SLC30A9: variants seen among roughly 807,000 people sequenced by gnomAD.
SLC30A9 encodes proton-coupled zinc antiporter SLC30A9, mitochondrial.
A neutral mutation model predicts 87.5 loss-of-function variants in SLC30A9; 58 were observed. The ratio of observed to expected loss-of-function variants is 0.66; its 90% CI spans 0.54 to 0.82. The LOEUF (loss-of-function observed/expected upper bound fraction) is 0.82. Among genes scored for constraint, SLC30A9 ranks in the 40% least tolerant of loss-of-function variants. SLC30A9 has a pLI of 0.00. For synonymous variants in SLC30A9, 234 were observed against 233.0 expected (o/e 1.00, Z -0.04); for missense variants, 557 against 679.1 (o/e 0.82, Z 2.00).
chr4:42,060,393 C>A, intron 10 of SLC30A9, 147 bp downstream of exon 10: 2 of 651,382 alleles, frequency 3.1e-6, no homozygotes, highest in Non-Finnish European at 5.5e-6. Flanking sequence ...AAATGCAGAA[C>A]TTCCCACTGT....
chr4:41,996,173 G>A (rs1030900266), intron 1 of SLC30A9, among the ~76,000 whole-genome samples: 4 of 151,808 alleles, frequency 2.6e-5, no homozygotes, highest in Non-Finnish European at 5.9e-5. Flanking sequence ...TCGGCAGACT[G>A]CACCCTCCAC....
At chr4:42,069,867 A>G (rs1435573833) in intron 14 of SLC30A9, among the ~76,000 whole-genome samples, 4 of 152,100 alleles carry the variant, frequency 2.6e-5, no homozygotes, top group Non-Finnish European at 5.9e-5. Context: ...CACATCCAGA[A>G]TTTTTTATTC....
At chr4:42,047,670 G>A (rs1374710529) in intron 8 of SLC30A9, among the ~76,000 whole-genome samples, 2 of 152,168 alleles carry the variant, frequency 1.3e-5, no homozygotes, top group African/African-American at 2.4e-5. Flanking sequence ...AGACAGTGTG[G>A]CGATTCCTCC....
chr4:42,000,582 T>C (rs1303101689), intron 1 of SLC30A9, among the ~76,000 whole-genome samples: 1 of 152,092 alleles, frequency 6.6e-6, no homozygotes, highest in Non-Finnish European at 1.5e-5. Context: ...GCCGGAAACT[T>C]GAGTGAATAC....
At chr4:42,081,007 A>G (rs1053122883) in intron 17 of SLC30A9, among the ~76,000 whole-genome samples, 1 of 152,220 alleles carries the variant, frequency 6.6e-6, no homozygotes, top group Non-Finnish European at 1.5e-5. Context: ...AAAAGCTTGC[A>G]TTTTATCATT....
At chr4:42,017,357 G>A (rs1442471175) in intron 2 of SLC30A9, among the ~76,000 whole-genome samples, 1 of 127,620 alleles carries the variant, frequency 7.8e-6, no homozygotes, top group African/African-American at 2.7e-5. Context: ...CTCAGTTTGC[G>A]GCCTTTCTTT....
chr4:42,048,842 C>A (rs1437682831), intron 8 of SLC30A9, among the ~76,000 whole-genome samples: 2 of 152,188 alleles, frequency 1.3e-5, no homozygotes, highest in African/African-American at 4.8e-5. Flanking sequence ...AAGTAATTTG[C>A]TTACACATAG....
chr4:42,080,911 A>T (rs141123937), intron 17 of SLC30A9, among the ~76,000 whole-genome samples: 1 of 152,234 alleles, frequency 6.6e-6, no homozygotes. Context: ...AAGTACTTAG[A>T]TCTTTCAGAT....
intron 3 of SLC30A9, 55 bp from the exon 4 acceptor site, chr4:42,020,361 T>G (rs1166595854): frequency 1.2e-6 from 1 of 839,550 alleles, no homozygotes. Context: ...TATATTCATC[T>G]TCACATGTGA....
At chr4:42,025,889 G>A (rs762314181) in intron 6 of SLC30A9, among the ~76,000 whole-genome samples, 4 of 151,954 alleles carry the variant, frequency 2.6e-5, no homozygotes, top group South Asian at 2.1e-4. Flanking sequence ...TCCTGACCTC[G>A]TCATCCGCCC....
At chr4:42,039,432 A>G (rs75171111) in intron 8 of SLC30A9, among the ~76,000 whole-genome samples, 2,958 of 151,804 alleles carry the variant, frequency 0.019, 102 homozygotes, top group African/African-American at 0.068. Context: ...TCTTGGAAGA[A>G]CATAATTATT....
At chr4:42,066,726 T>C (rs1001465298) in intron 13 of SLC30A9, 105 bp downstream of exon 13, 6 of 684,522 alleles carry the variant, frequency 8.8e-6, no homozygotes, top group Non-Finnish European at 1.2e-5. Flanking sequence ...AAAATATATC[T>C]GAATATCATC....
At chr4:42,010,772 T>G (rs1715404384) in intron 2 of SLC30A9, among the ~76,000 whole-genome samples, 1 of 151,966 alleles carries the variant, frequency 6.6e-6, no homozygotes, top group Non-Finnish European at 1.5e-5. Flanking sequence ...GAATAATAGA[T>G]AAAGTATAAA....
intron 8 of SLC30A9, among the ~76,000 whole-genome samples, chr4:42,044,386 C>A (rs1241199946): frequency 3.9e-3 from 384 of 98,594 alleles, no homozygotes; most frequent in African/African-American, 9.0e-3. Flanking sequence ...AAATGGAAAG[C>A]AAAAAAAAAA....
Position 42,086,381 on chromosome 4 carries a change from G to A in SLC30A9, c.*255G>A. 1 of 328,958 alleles carries A rather than the reference G, an allele frequency of 3.0e-6. No individual in the cohort carries two copies. The highest frequency in any genetic ancestry group is 5.3e-5 in the East Asian group (1 of 19,040). 20.4% of individuals were successfully genotyped at this position (328,958 alleles called of 1,614,324 possible). ...TTTATGCTTCCATAGGGAACATTTT[G>A]GTTATTTAAATTGTTCATAATGTCC... On this transcript the variant is annotated 3_prime_UTR_variant, in exon 18 of 18. Transcript: ENST00000264451.
Position 42,086,147 on chromosome 4 carries a change from TGGGTGG to T in SLC30A9, c.*24_*29del, listed in dbSNP as rs777773467. ...TGTGAGTTTGATGGAATGAATCACC[TGGGTGG>T]GGACCTTGGAAACAAGTTTGTCCGT... is the stretch of plus-strand genomic sequence containing the variant. On this transcript the variant is annotated 3_prime_UTR_variant, in exon 18 of 18. Transcript: ENST00000264451. 2 of 1,467,888 alleles carry T rather than the reference TGGGTGG, an allele frequency of 1.4e-6. No individual in the cohort carries two copies. Among genetic ancestry groups the T allele is most frequent in the Non-Finnish European group, 1.9e-6 (2 of 1,076,956 alleles). The allele number at this position is 1,467,888 out of a possible 1,614,324, so 90.9% of individuals were successfully genotyped here.
intron 8 of SLC30A9, among the ~76,000 whole-genome samples, chr4:42,040,507 G>A (rs1249653854): frequency 6.6e-6 from 1 of 152,080 alleles, no homozygotes; most frequent in Non-Finnish European, 1.5e-5. Flanking sequence ...GGAATAAAAA[G>A]TCCTCAGGAA....
chr4:41,996,187 C>G (rs80061467), intron 1 of SLC30A9, among the ~76,000 whole-genome samples: 5,959 of 151,890 alleles, frequency 0.039, 147 homozygotes, highest in Middle Eastern at 0.075. Flanking sequence ...CCTCCACCTC[C>G]TGGGTTCAAG....
chr4:42,027,380 C>T (rs944341727), intron 6 of SLC30A9, among the ~76,000 whole-genome samples: 5 of 152,120 alleles, frequency 3.3e-5, no homozygotes, highest in African/African-American at 1.2e-4. Context: ...GTGCTCCTGT[C>T]ACTTTGCACT....
Sources: gnomAD v4.1 joint callset for allele counts (sites outside exome capture counted in the v4.1 genomes callset) on GRCh38, gnomAD v4.1.1 for gene constraint, MANE v1.5 for transcripts, NCBI Gene and HGNC (gene_info 2026-07-23, HGNC 2026-07-21) for gene names.